Variants in MAP4K1 observed in about 807,000 individuals in gnomAD.
MAP4K1 encodes the protein MAPK/ERK kinase kinase kinase 1.
In MAP4K1, 35 loss-of-function variants were observed where a neutral mutation model predicts 122.8. That is an observed-to-expected ratio of 0.29 (90% CI 0.22 to 0.38). The LOEUF (loss-of-function observed/expected upper bound fraction) is 0.38. MAP4K1 is among the 10% of genes least tolerant of loss of function. The pLI, the probability that MAP4K1 is intolerant of heterozygous loss-of-function variation, is 1.00. For missense variants in MAP4K1, 791 were observed against 1,072.6 expected (o/e 0.74, Z 3.67); for synonymous variants, 412 against 421.3 (o/e 0.98, Z 0.27).
At position 38,596,303 on chromosome 19, in the gene MAP4K1, C is replaced by T; in HGVS notation, c.2116+9G>A. ...AGCCCCGCCCTCAGCAAGACTCCGC[C>T]CCACTCACCGGTGCTCATCTCGCCC... On this transcript the variant is annotated intron_variant, in intron 26 of 30. Transcript: ENST00000396857. 1 of 1,553,888 alleles carries T rather than the reference C, an allele frequency of 6.4e-7. No individual in the cohort carries two copies. Among genetic ancestry groups the T allele is most frequent in the Non-Finnish European group, 8.7e-7 (1 of 1,147,840 alleles).
intron 19 of MAP4K1, among the ~76,000 whole-genome samples, chr19:38,602,828 A>AT (rs1181541387): frequency 6.7e-6 from 1 of 149,444 alleles, no homozygotes; most frequent in African/African-American, 2.4e-5. Flanking sequence ...ACATGTACAT[A>AT]TATACGCATA....
chr19:38,603,600 C>T (rs1020139435), intron 19 of MAP4K1, among the ~76,000 whole-genome samples: 4 of 151,938 alleles, frequency 2.6e-5, no homozygotes, highest in African/African-American at 4.8e-5. Flanking sequence ...TTTGGGAGGC[C>T]GAGGTGGGAG....
At position 38,596,386 on chromosome 19, in the gene MAP4K1, C is replaced by T. The variant is rs201235545; in HGVS notation, c.2042G>A (p.Arg681Gln). 7.9e-4 allele frequency: 1,262 copies of T among 1,598,304 alleles called. No individual in the cohort carries two copies. The highest frequency in any genetic ancestry group is 3.8e-3 in the Middle Eastern group (23 of 6,048). ...PAVCIGVSPG[R>Q]PGKSVLFHTV... ...GTGGAAGAGCACCGACTTCCCCGGC[C>T]GCCCGGGGCTCACGCCGATGCACAC... is the stretch of plus-strand genomic sequence containing the variant. Residue 681 changes from arginine to glutamine, a missense_variant, in exon 26 of 31, where the codon CGG becomes CAG. Arg to Gln is a conservative substitution (Grantham distance 43). Around this residue, in one of 4 missense-constraint regions of MAP4K1, gnomAD observed 267 missense variants for 323.0 expected, o/e 0.83. Transcript: ENST00000396857.
chr19:38,611,817 G>T (rs761768480), intron 9 of MAP4K1, among the ~76,000 whole-genome samples: 1 of 151,386 alleles, frequency 6.6e-6, no homozygotes, highest in African/African-American at 2.4e-5. Flanking sequence ...TTTAAAAAAT[G>T]TCTGGGCGTG....
chr19:38,595,285 G>A (rs927450621), intron 29 of MAP4K1, among the ~76,000 whole-genome samples, 200 bp downstream of exon 29: 8 of 152,140 alleles, frequency 5.3e-5, no homozygotes, highest in South Asian at 2.1e-4. Context: ...GTGAAACTCC[G>A]TCTTAAATAA....
Position 38,613,346 on chromosome 19 carries a change from AC to A in MAP4K1, c.533+533del, listed in dbSNP as rs776082035. 2.8e-3 allele frequency among the ~76,000 whole-genome samples: 420 copies of A among 149,900 alleles called. 5 individuals carry two copies. In the South Asian group the frequency reaches 0.03, roughly 11 times the overall value. On this transcript the variant is annotated intron_variant, in intron 8 of 30. Coordinates refer to ENST00000396857, the MANE Select transcript of MAP4K1 (RefSeq NM_001042600.3). ...GAACGAAAAAGAAAAAAAAAAAAAA[AC>A]AACACCATCTCTACACAAATTTTAA... is the stretch of plus-strand genomic sequence containing the variant.
In MAP4K1 at chr19:38,596,976, G is replaced by GT. The variant is rs1372062893; in HGVS notation, c.1941+57dup. The GT allele has an allele frequency of 5.3e-6, 8 of 1,500,744 alleles. No homozygotes were observed. The African/African-American group carries it at 6.9e-5, about 13-fold the overall frequency. 93.0% of individuals were successfully genotyped at this position (1,500,744 alleles called of 1,614,324 possible). A position where few individuals can be genotyped will look rare whatever the true frequency, so the allele number is the denominator to read the frequency against. The stretch of plus-strand genomic sequence containing the variant: ...GGAGCTCTTGATAGAAGCGCAAAGG[G>GT]TGCAAGGCCTTAGCCACCCACTCCT... On this transcript the variant is annotated intron_variant, in intron 25 of 30. Transcript: ENST00000396857.
At chr19:38,605,751 C>G (rs779988635) in intron 17 of MAP4K1, 21 bp from the exon 18 acceptor site, 3 of 1,597,266 alleles carry the variant, frequency 1.9e-6, no homozygotes, top group Non-Finnish European at 2.6e-6. Flanking sequence ...GGGAATGGAG[C>G]GTGGGGAAAT....
At position 38,597,416 on chromosome 19, in the gene MAP4K1, G is replaced by A; in HGVS notation, c.1779-32C>T. 1 of 1,613,528 alleles carries A rather than the reference G, an allele frequency of 6.2e-7. No individual in the cohort carries two copies. Among genetic ancestry groups the A allele is most frequent in the Non-Finnish European group, 8.5e-7 (1 of 1,179,522 alleles). ...AATAGGTAGGTGTGAAGGGGGGTAG[G>A]ACAGCAGGAGGCAGAGGGGCATGGG... is the stretch of plus-strand genomic sequence containing the variant. On this transcript the variant is annotated intron_variant, in intron 23 of 30. Coordinates refer to ENST00000396857, the MANE Select transcript of MAP4K1 (RefSeq NM_001042600.3). The surrounding 1 kb of genome is among the most constrained non-coding windows in gnomAD (Gnocchi z 4.6).
intron 30 of MAP4K1, among the ~76,000 whole-genome samples, chr19:38,588,049 C>T (rs147491542): frequency 3.3e-4 from 50 of 152,232 alleles, no homozygotes; most frequent in African/African-American, 1.2e-3. Context: ...GGAAACCTAA[C>T]CCAGGAGGTC....
At chr19:38,602,471 C>T (rs944570715) in intron 19 of MAP4K1, among the ~76,000 whole-genome samples, 1 of 150,072 alleles carries the variant, frequency 6.7e-6, no homozygotes, top group Non-Finnish European at 1.5e-5. Context: ...CACACATATA[C>T]ATATATACAC....
At chr19:38,610,880 G>A (rs970923114) in intron 11 of MAP4K1, among the ~76,000 whole-genome samples, 171 bp downstream of exon 11, 6 of 152,066 alleles carry the variant, frequency 3.9e-5, no homozygotes, top group African/African-American at 9.7e-5. Context: ...AAGGTCTGGG[G>A]TATAACCCGG....
rs1599722983 is a variant in MAP4K1, at chr19:38,616,181, G to T, written c.313+14C>A. On this transcript the variant is annotated intron_variant, in intron 4 of 30. Coordinates refer to ENST00000396857, the MANE Select transcript of MAP4K1 (RefSeq NM_001042600.3). ...TAGGGAGGGGTGCTTGGGTCCCGTT[G>T]TCCTTTCTCTAACCTTGGTAGATGT... The T allele has an allele frequency of 6.2e-7, 1 of 1,609,678 alleles. No individual in the cohort carries two copies. Among genetic ancestry groups the T allele is most frequent in the Non-Finnish European group, 8.5e-7 (1 of 1,178,236 alleles).
In MAP4K1 at chr19:38,608,009, G is replaced by A. The variant is rs1272827230; in HGVS notation, c.1090C>T (p.Leu364Phe). Residue 364 changes from leucine (L) to phenylalanine (F), a missense_variant, in exon 15 of 31, where the codon CTC (leucine) becomes TTC (phenylalanine). By Grantham distance (22) the Leu-to-Phe change is conservative (BLOSUM62 0). Transcript: ENST00000396857. ...NTARLQPPRD[L>F]RSSSPRKQLS... ...CCTGACCTGGGGCTGCTGCTCCTGA[G>A]GTCTCGAGGAGGCTGTAGGCGAGCC... 2.5e-6 allele frequency: 4 copies of A among 1,610,634 alleles called. No individual in the cohort carries two copies. Among genetic ancestry groups the A allele is most frequent in the Non-Finnish European group, 2.5e-6 (3 of 1,178,030 alleles).
At chr19:38,611,981 T>C (rs1009410418) in intron 9 of MAP4K1, among the ~76,000 whole-genome samples, 12 of 151,034 alleles carry the variant, frequency 7.9e-5, no homozygotes, top group Admixed American at 1.3e-4. Flanking sequence ...GCACCTGTAA[T>C]CCCACACTTG....
chr19:38,593,039 G>A (rs1251769838), intron 30 of MAP4K1, among the ~76,000 whole-genome samples: 1 of 152,120 alleles, frequency 6.6e-6, no homozygotes, highest in African/African-American at 2.4e-5. Flanking sequence ...GGTCAAGGCT[G>A]CAGTGAGCCG....
rs1183383947 is a variant in MAP4K1, at chr19:38,606,215, G to C, written c.1158C>G (p.Ile386Met). 1 of 1,545,706 alleles carries C rather than the reference G, an allele frequency of 6.5e-7. No individual in the cohort carries two copies. Among genetic ancestry groups the C allele is most frequent in the Admixed American group, 2.1e-5 (1 of 46,730 alleles). ...GAGGTGTGTCCTCTGCAGGGGTGGG[G>C]CTGAAACACAAAGATGGGTTAAATA... ...SSDDDYDDVDIPTPAEDTPPP... is the reference protein window; with the variant it reads ...SSDDDYDDVDMPTPAEDTPPP... The change falls in exon 17 of 31, where the codon ATC becomes ATG. Residue 386 changes from isoleucine to methionine, a missense_variant and splice_region_variant. Around this residue, in one of 4 missense-constraint regions of MAP4K1, gnomAD observed 303 missense variants for 344.8 expected, o/e 0.88. Transcript: ENST00000396857.
At chr19:38,605,361 C>CAA in intron 19 of MAP4K1, 48 bp downstream of exon 19, 20 of 696,098 alleles carry the variant, frequency 2.9e-5, no homozygotes, top group Middle Eastern at 8.8e-4. Flanking sequence ...CACCAGGCAT[C>CAA]CCCAGCCCCG....
intron 8 of MAP4K1, 138 bp downstream of exon 8, chr19:38,613,742 C>T: frequency 1.5e-6 from 1 of 672,560 alleles, no homozygotes; most frequent in Non-Finnish European, 2.5e-6. Flanking sequence ...AAGCGACACC[C>T]AGAGAGAATG....
Sources: allele counts gnomAD v4.1 joint callset (sites outside exome capture counted in the v4.1 genomes callset), GRCh38; gene constraint gnomAD v4.1.1; regional missense constraint gnomAD v4.1.1; non-coding constraint Gnocchi (gnomAD v3.1); transcripts MANE v1.5; gene names NCBI Gene and HGNC (gene_info 2026-07-23, HGNC 2026-07-21).